Variants in OPRD1 observed in about 807,000 individuals in gnomAD.
The protein encoded by OPRD1 is opioid receptor delta 1, also known as delta-type opioid receptor.
OPRD1 carries 19 observed loss-of-function variants against 17.5 expected under a neutral mutation model. The ratio of observed to expected loss-of-function variants is 1.09; its 90% CI spans 0.76 to 1.60. The LOEUF is 1.60. OPRD1 is among the 40% of genes most tolerant of loss of function. OPRD1 has a pLI of 0.00. For synonymous variants in OPRD1, 256 were observed against 240.9 expected (o/e 1.06, Z -0.58); for missense variants, 483 against 547.2 (o/e 0.88, Z 1.17).
chr1:28,849,507 T>C (rs1458275652), intron 1 of OPRD1, among the ~76,000 whole-genome samples: 3 of 151,548 alleles, frequency 2.0e-5, no homozygotes, highest in South Asian at 2.1e-4. Context: ...CACACACACA[T>C]GCACACACAC....
At chr1:28,816,392 A>G (rs1052420760) in intron 1 of OPRD1, among the ~76,000 whole-genome samples, 5 of 152,148 alleles carry the variant, frequency 3.3e-5, no homozygotes, top group Non-Finnish European at 4.4e-5. Flanking sequence ...AACTGAGTCA[A>G]AAGCTGAGGG....
intron 1 of OPRD1, among the ~76,000 whole-genome samples, chr1:28,828,989 CAAA>C (rs149592402): frequency 2.9e-4 from 40 of 137,356 alleles, no homozygotes; most frequent in Admixed American, 4.4e-4. Context: ...GACTCTGTCT[CAAA>C]AAAAAAAAAA....
chr1:28,816,052 G>A (rs543354764), intron 1 of OPRD1, among the ~76,000 whole-genome samples: 1 of 152,292 alleles, frequency 6.6e-6, no homozygotes, highest in African/African-American at 2.4e-5. Flanking sequence ...TGTGATATCT[G>A]AGCCTTTTAG....
chr1:28,852,285 T>A (rs2089012459), intron 1 of OPRD1, among the ~76,000 whole-genome samples: 1 of 151,916 alleles, frequency 6.6e-6, no homozygotes, highest in African/African-American at 2.4e-5. Flanking sequence ...TGCAATTGGA[T>A]GGAAGAGACA....
intron 1 of OPRD1, among the ~76,000 whole-genome samples, chr1:28,825,332 A>G (rs419335): frequency 0.44 from 66,981 of 152,014 alleles, 17,378 homozygotes; most frequent in African/African-American, 0.73. Context: ...GGGATTTTCC[A>G]AAGTGAGAGA....
chr1:28,852,092 G>A (rs1263466869), intron 1 of OPRD1, among the ~76,000 whole-genome samples: 3 of 149,862 alleles, frequency 2.0e-5, no homozygotes, highest in Non-Finnish European at 4.4e-5. Flanking sequence ...GCATGAACCT[G>A]GGAGGCGGAG....
chr1:28,821,738 A>G (rs760547573), intron 1 of OPRD1, among the ~76,000 whole-genome samples: 2 of 152,028 alleles, frequency 1.3e-5, no homozygotes, highest in African/African-American at 2.4e-5. Flanking sequence ...TATTATGCCA[A>G]TCTAAATAAT....
At chr1:28,860,029 C>T (rs1378851715) in intron 2 of OPRD1, among the ~76,000 whole-genome samples, 1 of 152,098 alleles carries the variant, frequency 6.6e-6, no homozygotes, top group South Asian at 2.1e-4. Context: ...GGCATCTGGC[C>T]GGCAGATGAA....
intron 1 of OPRD1, among the ~76,000 whole-genome samples, chr1:28,815,876 G>A (rs148607031): frequency 6.6e-6 from 1 of 152,322 alleles, no homozygotes; most frequent in African/African-American, 2.4e-5. Flanking sequence ...GGAAAGCCGG[G>A]TGGTGTAGTG....
chr1:28,855,364 A>C (rs2089046732), intron 1 of OPRD1, among the ~76,000 whole-genome samples: 1 of 152,182 alleles, frequency 6.6e-6, no homozygotes, highest in African/African-American at 2.4e-5. Context: ...AGTGTGTGGC[A>C]GGGGCACATC....
At chr1:28,854,706 G>A (rs1426620683) in intron 1 of OPRD1, among the ~76,000 whole-genome samples, 1 of 151,654 alleles carries the variant, frequency 6.6e-6, no homozygotes, top group African/African-American at 2.4e-5. Flanking sequence ...AGGCTGGGGT[G>A]CAGTGGCATG....
intron 1 of OPRD1, among the ~76,000 whole-genome samples, chr1:28,832,318 A>G (rs1015391055): frequency 1.3e-5 from 2 of 152,170 alleles, no homozygotes; most frequent in African/African-American, 4.8e-5. Context: ...TGGCATAAGA[A>G]GTAAAGGCCA....
chr1:28,859,224 G>A lies in OPRD1; in HGVS notation c.498G>A (p.Lys166=), dbSNP rs1253248484. The part of the protein sequence containing the change: ...ALDFRTPAKA[K]LINICIWVLA... ...ACTTCCGCACGCCTGCCAAGGCCAA[G>A]CTGATCAACATCTGTATCTGGGTCC... is the stretch of plus-strand genomic sequence containing the variant. The change falls in exon 2 of 3, where the codon AAG becomes AAA. Residue 166 remains lysine (K), a synonymous_variant. Coordinates refer to ENST00000234961, the MANE Select transcript of OPRD1 (RefSeq NM_000911.4). 1.9e-6 allele frequency: 3 copies of A among 1,614,146 alleles called. No homozygotes were observed. Among genetic ancestry groups the A allele is most frequent in the Non-Finnish European group, 2.5e-6 (3 of 1,180,066 alleles).
At chr1:28,859,946 C>T (rs2089097950) in intron 2 of OPRD1, among the ~76,000 whole-genome samples, 1 of 152,198 alleles carries the variant, frequency 6.6e-6, no homozygotes. Context: ...CATCACAATC[C>T]AGTGTGAGTA....
At chr1:28,837,602 C>T (rs974560352) in intron 1 of OPRD1, among the ~76,000 whole-genome samples, 1 of 151,674 alleles carries the variant, frequency 6.6e-6, no homozygotes, top group Admixed American at 6.6e-5. Context: ...GAGCCAAGAT[C>T]GTGCCACTGC....
At chr1:28,822,806 A>G (rs892915411) in intron 1 of OPRD1, among the ~76,000 whole-genome samples, 1 of 152,110 alleles carries the variant, frequency 6.6e-6, no homozygotes, top group Non-Finnish European at 1.5e-5. Context: ...TGATTTTTAA[A>G]TGCTGTGATC....
At chr1:28,822,263 A>G (rs980393346) in intron 1 of OPRD1, among the ~76,000 whole-genome samples, 3 of 151,842 alleles carry the variant, frequency 2.0e-5, no homozygotes, top group Non-Finnish European at 2.9e-5. Context: ...CATTATTTCT[A>G]TAAGGAATTT....
rs763884445 is a variant in OPRD1 at position 28,864,241 on chromosome 1, G to A, written c.*958G>A. ...GGTGCCACTGCACTCCAGCCTGGGG[G>A]ACAGAGTAAGACTCTGTCTCTCAAA... On this transcript the variant is annotated 3_prime_UTR_variant, in exon 3 of 3. Coordinates refer to ENST00000234961, the MANE Select transcript of OPRD1 (RefSeq NM_000911.4). The A allele has an allele frequency of 6.6e-6, 1 of 152,464 alleles. No homozygotes were observed. Among genetic ancestry groups the A allele is most frequent in the African/African-American group, 2.4e-5 (1 of 41,452 alleles). The allele number at this position is 152,464 out of a possible 1,614,324, so 9.4% of individuals were successfully genotyped here.
At chr1:28,816,680 A>G (rs1569599632) in intron 1 of OPRD1, among the ~76,000 whole-genome samples, 1 of 151,476 alleles carries the variant, frequency 6.6e-6, no homozygotes, top group Non-Finnish European at 1.5e-5. Context: ...GCAGAGCATC[A>G]CCCCCTCCTC....
Sources: allele counts gnomAD v4.1 joint callset (sites outside exome capture counted in the v4.1 genomes callset), GRCh38; gene constraint gnomAD v4.1.1; transcripts MANE v1.5; gene names NCBI Gene and HGNC (gene_info 2026-07-23, HGNC 2026-07-21).